PRIMA1: variants seen among roughly 807,000 people sequenced by gnomAD.
The protein encoded by PRIMA1 is proline rich membrane anchor 1, also known as proline-rich membrane anchor 1.
PRIMA1 carries 7 observed loss-of-function variants against 17.5 expected under a neutral mutation model. The ratio of observed to expected loss-of-function variants is 0.40; its 90% confidence interval spans 0.23 to 0.75. The LOEUF is 0.75. PRIMA1 is among the 30% of genes least tolerant of loss of function. The pLI is 0.37. For synonymous variants in PRIMA1, 97 were observed against 77.9 expected (o/e 1.25, Z -1.29); for missense variants, 200 against 201.8 (o/e 0.99, Z 0.05).
rs187057435 is a variant in PRIMA1, at chr14:93,780,332, G to A, written c.94-1021C>T. Among the ~76,000 whole-genome samples the A allele has an allele frequency of 6.6e-5, 10 of 152,274 alleles. No homozygotes were observed. The South Asian group carries it at 1.0e-3, about 16-fold the overall frequency. Reference sequence around the variant, plus strand: ...CTGGTTCATACCTATCTTCACCATGGCACTGTGAGCTCGCTGAGGGCAGAG... The same window carrying A: ...CTGGTTCATACCTATCTTCACCATGACACTGTGAGCTCGCTGAGGGCAGAG... On this transcript the variant is annotated intron_variant, in intron 2 of 4. Transcript: ENST00000393140.
rs2076036013 is a variant in PRIMA1 at position 93,721,278 on chromosome 14, CA to C, written c.*165del. 2 of 584,602 alleles carry C rather than the reference CA, an allele frequency of 3.4e-6. No individual in the cohort carries two copies. The highest frequency in any genetic ancestry group is 6.4e-5 in the Admixed American group (2 of 31,380). 36.2% of individuals were successfully genotyped at this position (584,602 alleles called of 1,614,324 possible). On this transcript the variant is annotated 3_prime_UTR_variant, in exon 5 of 5. Transcript: ENST00000393140. ...GAGCTGCCTGGGCCCGCAGGCTGAC[CA>C]GGGGCAAGCCTGGGAAGACAATGGT...
intron 3 of PRIMA1, among the ~76,000 whole-genome samples, chr14:93,752,217 C>T (rs2076264086): frequency 6.6e-6 from 1 of 152,190 alleles, no homozygotes; most frequent in Admixed American, 6.5e-5. Flanking sequence ...AGATCCCTCC[C>T]CCTCAAACAG....
intron 3 of PRIMA1, among the ~76,000 whole-genome samples, chr14:93,747,481 C>T (rs181882162): frequency 2.0e-5 from 3 of 152,172 alleles, no homozygotes; most frequent in East Asian, 3.9e-4. Context: ...GGAGCGGCAT[C>T]GTGGAGCCAT....
intron 3 of PRIMA1, among the ~76,000 whole-genome samples, chr14:93,771,121 T>C (rs776232340): frequency 4.6e-5 from 7 of 150,842 alleles, no homozygotes; most frequent in Non-Finnish European, 8.9e-5. Flanking sequence ...TGTGCATGTA[T>C]GTGTGTGCAT....
intron 2 of PRIMA1, among the ~76,000 whole-genome samples, chr14:93,783,602 G>A (rs1885442077): frequency 6.6e-6 from 1 of 152,238 alleles, no homozygotes; most frequent in South Asian, 2.1e-4. Context: ...TTAAGAAAGA[G>A]CAGAGGCCCA....
intron 3 of PRIMA1, among the ~76,000 whole-genome samples, chr14:93,774,406 C>T (rs1008159319): frequency 7.2e-5 from 11 of 152,178 alleles, no homozygotes; most frequent in Admixed American, 3.3e-4. Context: ...TGCAAACGTT[C>T]CTGGTCATTA....
At chr14:93,776,106 A>G (rs1487579680) in intron 3 of PRIMA1, among the ~76,000 whole-genome samples, 1 of 152,220 alleles carries the variant, frequency 6.6e-6, no homozygotes, top group Non-Finnish European at 1.5e-5. Flanking sequence ...GAACTGAGCC[A>G]GCCTGAGAGA....
At chr14:93,731,196 T>G (rs997453015) in intron 4 of PRIMA1, among the ~76,000 whole-genome samples, 1 of 152,150 alleles carries the variant, frequency 6.6e-6, no homozygotes, top group African/African-American at 2.4e-5. Flanking sequence ...CCATTCTAGG[T>G]GGAGAATGAG....
chr14:93,774,162 A>G lies in PRIMA1; in HGVS notation c.229+5014T>C, dbSNP rs571229378. On this transcript the variant is annotated intron_variant, in intron 3 of 4. Coordinates refer to ENST00000393140, the MANE Select transcript of PRIMA1 (RefSeq NM_178013.4). ...ACCCCCAAAATAAAGATAACAAAAA[A>G]CAATTTGAAAAACCACTCTTGCCTT... is the stretch of plus-strand genomic sequence containing the variant. Among the ~76,000 whole-genome samples the G allele has an allele frequency of 2.6e-5, 4 of 152,298 alleles. No homozygotes were observed. The East Asian group carries it at 7.7e-4, about 29-fold the overall frequency.
rs150430909 is a variant in PRIMA1 at position 93,718,792 on chromosome 14, C to T, written c.*2652G>A. On this transcript the variant is annotated 3_prime_UTR_variant, in exon 5 of 5. Coordinates refer to ENST00000393140, the MANE Select transcript of PRIMA1 (RefSeq NM_178013.4). Reference sequence around the variant, plus strand: ...CTGGGAGATCCTATGATCTGAGTTCCAAAGTTGGGGTCAACTGTGAGACGG... The same window carrying T: ...CTGGGAGATCCTATGATCTGAGTTCTAAAGTTGGGGTCAACTGTGAGACGG... The T allele has an allele frequency of 2.6e-5, 4 of 152,584 alleles. No individual in the cohort carries two copies. The highest frequency in any genetic ancestry group is 1.3e-4 in the Admixed American group (2 of 15,288). 9.5% of individuals were successfully genotyped at this position (152,584 alleles called of 1,614,324 possible). A position where few individuals can be genotyped will look rare whatever the true frequency, so the allele number is the denominator to read the frequency against.
At chr14:93,775,219 C>A (rs1885178515) in intron 3 of PRIMA1, among the ~76,000 whole-genome samples, 1 of 152,242 alleles carries the variant, frequency 6.6e-6, no homozygotes, top group Non-Finnish European at 1.5e-5. Flanking sequence ...TGCCTTGAGC[C>A]AGTGAATCCA....
intron 3 of PRIMA1, among the ~76,000 whole-genome samples, chr14:93,740,127 TAGGAGGATGCCACTGGGCCTCTC>T (rs1015396175): frequency 6.6e-6 from 1 of 152,020 alleles, no homozygotes; most frequent in African/African-American, 2.4e-5. Flanking sequence ...AGATGGCTGA[TAGGAGGATGCCACTGGGCCTCTC>T]AGTCAGGGCA....
intron 2 of PRIMA1, among the ~76,000 whole-genome samples, chr14:93,781,107 G>A (rs996263850): frequency 5.3e-5 from 8 of 152,106 alleles, no homozygotes; most frequent in Admixed American, 5.2e-4. Context: ...TTACAGCCCC[G>A]GCTTAATATC....
chr14:93,737,288 C>T lies in PRIMA1; in HGVS notation c.312G>A (p.Leu104=). 2 of 1,614,136 alleles carry T rather than the reference C, an allele frequency of 1.2e-6. No homozygotes were observed. The highest frequency in any genetic ancestry group is 1.7e-6 in the Non-Finnish European group (2 of 1,180,024). ...VIIIAVCCAS[L]VFLTVLVIIC... ...TGATGACAAGCACAGTCAGAAACAC[C>T]AGGGAGGCACAGCATACGGCAATGA... The change falls in exon 4 of 5, where the codon CTG becomes CTA. Residue 104 remains leucine (L), a synonymous_variant. Transcript: ENST00000393140.
intron 3 of PRIMA1, among the ~76,000 whole-genome samples, chr14:93,747,306 G>C (rs1046232587): frequency 2.6e-5 from 4 of 152,206 alleles, no homozygotes; most frequent in Admixed American, 1.3e-4. Context: ...AGCGAGGCTG[G>C]GAGCCAGCCA....
chr14:93,779,202 G>A lies in PRIMA1; in HGVS notation c.203C>T (p.Pro68Leu). Reference sequence around the variant, plus strand: ...TGGGGCGGAGAGGAGTCTGGGAGGTGGCGGGGGTGGGGGCGGCGGGGGCAG... The same window carrying A: ...TGGGGCGGAGAGGAGTCTGGGAGGTAGCGGGGGTGGGGGCGGCGGGGGCAG... ...PPLPPPPPPP[P>L]PPRLLSAPAP... Residue 68 changes from proline to leucine, a missense_variant, in exon 3 of 5, where the codon CCA becomes CTA. Pro to Leu is a moderately conservative substitution (Grantham distance 98). Transcript: ENST00000393140. 2 of 1,362,924 alleles carry A rather than the reference G, an allele frequency of 1.5e-6. No homozygotes were observed. Among genetic ancestry groups the A allele is most frequent in the Non-Finnish European group, 1.9e-6 (2 of 1,031,166 alleles). 84.4% of individuals were successfully genotyped at this position (1,362,924 alleles called of 1,614,324 possible).
chr14:93,754,189 A>G (rs773011923), intron 3 of PRIMA1, among the ~76,000 whole-genome samples: 2 of 152,142 alleles, frequency 1.3e-5, no homozygotes, highest in Non-Finnish European at 2.9e-5. Flanking sequence ...AAGTTTCCTG[A>G]TCCATCAGGA....
At chr14:93,783,520 G>A (rs561157746) in intron 2 of PRIMA1, among the ~76,000 whole-genome samples, 1 of 151,862 alleles carries the variant, frequency 6.6e-6, no homozygotes, top group Non-Finnish European at 1.5e-5. Context: ...CTGGCGTTTG[G>A]TTTCTATCTT....
At chr14:93,785,729 T>C (rs1885504237) in intron 2 of PRIMA1, among the ~76,000 whole-genome samples, 1 of 152,252 alleles carries the variant, frequency 6.6e-6, no homozygotes, top group Non-Finnish European at 1.5e-5. Flanking sequence ...TCCCTGTCCC[T>C]ATCATTTGTA....
Sources: allele counts gnomAD v4.1 joint callset (sites outside exome capture counted in the v4.1 genomes callset), GRCh38; gene constraint gnomAD v4.1.1; transcripts MANE v1.5; gene names NCBI Gene and HGNC (gene_info 2026-07-23, HGNC 2026-07-21).